Variants in PCDHGB6 observed in about 807,000 individuals in gnomAD.
PCDHGB6 encodes protocadherin gamma subfamily B, 6.
A neutral mutation model predicts 59.1 loss-of-function variants in PCDHGB6; 51 were observed. The ratio of observed to expected loss-of-function variants is 0.86; its 90% CI spans 0.69 to 1.09. The LOEUF is 1.09. Among genes scored for constraint, PCDHGB6 ranks in the 50% least tolerant of loss-of-function variants. The pLI is 0.00. For synonymous variants in PCDHGB6, 466 were observed against 495.1 expected, an observed-to-expected ratio of 0.94 and a Z score of 0.78; for missense variants, 1,148 against 1,205.1, an observed-to-expected ratio of 0.95 and a Z score of 0.70.
In PCDHGB6 at chr5:141,487,260, C is replaced by T; in HGVS notation, c.2419-7547C>T. 6.2e-7 allele frequency: 1 copy of T among 1,614,116 alleles called. No homozygotes were observed. The highest frequency in any genetic ancestry group is 1.1e-5 in the South Asian group (1 of 91,080). On this transcript the variant is annotated intron_variant, in intron 1 of 3. Coordinates refer to ENST00000520790, the MANE Select transcript of PCDHGB6 (RefSeq NM_018926.3). The surrounding 1 kb of genome is among the most constrained non-coding windows in gnomAD (Gnocchi z 5.0). ...CGTCTAACCCTCTACTTGGCTGTGT[C>T]CCTAGTGGCAATTTGCTTTGTCTCC...
Position 141,486,895 on chromosome 5 carries a change from C to T in PCDHGB6, c.2419-7912C>T, listed in dbSNP as rs1286004461. ...TCCGTCCTCGGGCCCGGCCTGGTTC[C>T]TTATGTCCCCAAGCACTGCCTCCAT... On this transcript the variant is annotated intron_variant, in intron 1 of 3. Coordinates refer to ENST00000520790, the MANE Select transcript of PCDHGB6 (RefSeq NM_018926.3). This position sits in a 1 kb window ranked among gnomAD's most constrained non-coding sequence, Gnocchi z 5.0. 3 of 1,614,134 alleles carry T rather than the reference C, an allele frequency of 1.9e-6. No homozygotes were observed. The highest frequency in any genetic ancestry group is 3.3e-5 in the Admixed American group (2 of 60,012).
intron 1 of PCDHGB6, among the ~76,000 whole-genome samples, chr5:141,469,120 T>C (rs188113354): frequency 6.6e-6 from 1 of 151,574 alleles, no homozygotes; most frequent in East Asian, 1.9e-4. Context: ...CTAAAAAAAT[T>C]TAAAAATTAG....
rs771124496 is a variant in PCDHGB6, at chr5:141,489,457, C to A, written c.2419-5350C>A. The A allele has an allele frequency of 6.2e-7, 1 of 1,613,882 alleles. No homozygotes were observed. The highest frequency in any genetic ancestry group is 8.5e-7 in the Non-Finnish European group (1 of 1,179,984). ...GCAATTGGGCTCTGAGGAGAATGGG[C>A]GCTATTTTTCCCTGAGCTTGATGAG... On this transcript the variant is annotated intron_variant, in intron 1 of 3. Coordinates refer to ENST00000520790, the MANE Select transcript of PCDHGB6 (RefSeq NM_018926.3). This position sits in a 1 kb window ranked among gnomAD's most constrained non-coding sequence, Gnocchi z 4.5.
At chr5:141,427,132 G>A (rs755992698) in intron 1 of PCDHGB6, 1 of 457,106 alleles carries the variant, frequency 2.2e-6, no homozygotes, top group South Asian at 1.5e-5. Flanking sequence ...AAATCCCTAC[G>A]AGATGATATT....
chr5:141,419,122 C>T (rs1418298635), intron 1 of PCDHGB6: 2 of 1,613,862 alleles, frequency 1.2e-6, no homozygotes, highest in African/African-American at 1.3e-5. Flanking sequence ...ACAACGTCAC[C>T]ATCGCAGCCA....
At chr5:141,495,270 G>A (rs1428903664) in intron 2 of PCDHGB6, among the ~76,000 whole-genome samples, 1 of 152,178 alleles carries the variant, frequency 6.6e-6, no homozygotes, top group African/African-American at 2.4e-5. Context: ...GCATTTGACC[G>A]GAGGAGGCGG....
chr5:141,440,103 A>G (rs1391819927), intron 1 of PCDHGB6: 1 of 152,222 alleles, frequency 6.6e-6, no homozygotes, highest in Non-Finnish European at 1.5e-5. Flanking sequence ...GAAAGTGGAG[A>G]CTTACTTGTG....
intron 1 of PCDHGB6, 115 bp downstream of exon 1, chr5:141,410,735 T>A (rs2095420224): frequency 1.5e-6 from 2 of 1,336,188 alleles, no homozygotes; most frequent in East Asian, 4.7e-5. Context: ...CATAGCTTTT[T>A]ACAATATTTT....
chr5:141,501,442 T>C (rs1202229661), intron 2 of PCDHGB6, among the ~76,000 whole-genome samples: 1 of 152,016 alleles, frequency 6.6e-6, no homozygotes, highest in African/African-American at 2.4e-5. Context: ...ATTTCTTCCA[T>C]TTTTACTTTT....
chr5:141,423,101 G>A (rs757127033), intron 1 of PCDHGB6: 3 of 1,613,966 alleles, frequency 1.9e-6, no homozygotes, highest in South Asian at 1.1e-5. Context: ...GAGCACACGG[G>A]CGAGGTGCGT....
intron 2 of PCDHGB6, among the ~76,000 whole-genome samples, chr5:141,500,453 C>T (rs1403599390): frequency 6.6e-6 from 1 of 152,130 alleles, no homozygotes; most frequent in South Asian, 2.1e-4. Context: ...TCGTGATCCG[C>T]CCGCCTCGGC....
rs1413324509 is a variant in PCDHGB6 at position 141,431,464 on chromosome 5, G to T, written c.2418+20844G>T. The T allele has an allele frequency of 6.2e-7, 1 of 1,613,782 alleles. No homozygotes were observed. The highest frequency in any genetic ancestry group is 2.2e-5 in the East Asian group (1 of 44,880). ...GCATCCGCGTGATGGTTCTGGATGC[G>T]AACGACAACGCACCAGCGTTTGCTC... On this transcript the variant is annotated intron_variant, in intron 1 of 3. Transcript: ENST00000520790. This position sits in a 1 kb window ranked among gnomAD's most constrained non-coding sequence, Gnocchi z 4.8.
At chr5:141,452,948 G>A (rs2098752873) in intron 1 of PCDHGB6, among the ~76,000 whole-genome samples, 1 of 152,134 alleles carries the variant, frequency 6.6e-6, no homozygotes, top group African/African-American at 2.4e-5. Context: ...CTTGCAATTG[G>A]TTGTCTTTAA....
intron 1 of PCDHGB6, chr5:141,415,663 T>C: frequency 6.3e-7 from 1 of 1,578,204 alleles, no homozygotes; most frequent in Non-Finnish European, 8.6e-7. Flanking sequence ...GATTGGTTTT[T>C]ACTTTGAAGT....
chr5:141,485,503 C>T lies in PCDHGB6; in HGVS notation c.2419-9304C>T, dbSNP rs1057374827. The T allele has an allele frequency of 5.0e-6, 8 of 1,614,096 alleles. No homozygotes were observed. The highest frequency in any genetic ancestry group is 6.8e-6 in the Non-Finnish European group (8 of 1,180,008). On this transcript the variant is annotated intron_variant, in intron 1 of 3. Coordinates refer to ENST00000520790, the MANE Select transcript of PCDHGB6 (RefSeq NM_018926.3). This position sits in a 1 kb window ranked among gnomAD's most constrained non-coding sequence, Gnocchi z 5.7. ...GCATCGTGCCCCTGGAGTTTGTCAC[C>T]GAAGGTCCTTTGGAAATGTACCGAG...
chr5:141,423,050 G>C, intron 1 of PCDHGB6: 1 of 1,614,186 alleles, frequency 6.2e-7, no homozygotes, highest in Non-Finnish European at 8.5e-7. Flanking sequence ...CTGTCCTATC[G>C]CCTGCTTAAG....
chr5:141,431,868 A>G lies in PCDHGB6; in HGVS notation c.2418+21248A>G, dbSNP rs755283039. On this transcript the variant is annotated intron_variant, in intron 1 of 3. Coordinates refer to ENST00000520790, the MANE Select transcript of PCDHGB6 (RefSeq NM_018926.3). This position sits in a 1 kb window ranked among gnomAD's most constrained non-coding sequence, Gnocchi z 4.8. ...AGAGGGACATTAATTGCCCTTTTAAATGTAAATGACCAAGATTCTGAGGAA... is the reference window on the plus strand; with the variant it reads ...AGAGGGACATTAATTGCCCTTTTAAGTGTAAATGACCAAGATTCTGAGGAA... 4.3e-6 allele frequency: 7 copies of G among 1,614,102 alleles called. No individual in the cohort carries two copies. In the South Asian group the frequency reaches 6.6e-5, roughly 15 times the overall value.
chr5:141,423,154 C>A, intron 1 of PCDHGB6: 1 of 1,613,466 alleles, frequency 6.2e-7, no homozygotes, highest in South Asian at 1.1e-5. Flanking sequence ...CAAGCAGAGC[C>A]TCGTGGTGGC....
chr5:141,410,685 A>G, intron 1 of PCDHGB6, 65 bp downstream of exon 1: 1 of 1,528,540 alleles, frequency 6.5e-7, no homozygotes, highest in Non-Finnish European at 8.7e-7. Flanking sequence ...TTTTAGGCAT[A>G]CTACTTTATT....
Sources: gnomAD v4.1 joint callset for allele counts (sites outside exome capture counted in the v4.1 genomes callset) on GRCh38, gnomAD v4.1.1 for gene constraint, Gnocchi (gnomAD v3.1) non-coding constraint, MANE v1.5 for transcripts, NCBI Gene and HGNC (gene_info 2026-07-23, HGNC 2026-07-21) for gene names.